DUSP22: variants seen among roughly 807,000 people sequenced by gnomAD.
The protein encoded by DUSP22 is dual specificity phosphatase 22.
In DUSP22, 24 loss-of-function variants were observed where a neutral mutation model predicts 24.5. That is an observed-to-expected ratio of 0.98 (90% CI 0.71 to 1.38). The LOEUF is 1.38. Among genes scored for constraint, DUSP22 ranks in the 40% most tolerant of loss-of-function variants. The probability of loss-of-function intolerance (pLI) is 0.00; values close to 1 mark genes in which losing one functional copy is unlikely to be tolerated. For synonymous variants in DUSP22, 160 were observed against 106.4 expected, an observed-to-expected ratio of 1.50 and a Z score of -3.10; for missense variants, 330 against 269.2, an observed-to-expected ratio of 1.23 and a Z score of -1.58.
chr6:292,846 C>T (rs577407363), intron 1 of DUSP22, among the ~76,000 whole-genome samples: 94 of 152,402 alleles, frequency 6.2e-4, no homozygotes, highest in Non-Finnish European at 6.6e-4. Context: ...AGCGTTGACA[C>T]TTGTTCTGCC....
chr6:320,600 C>G (rs1270424910), intron 3 of DUSP22, among the ~76,000 whole-genome samples: 1 of 152,306 alleles, frequency 6.6e-6, no homozygotes, highest in African/African-American at 2.4e-5. Flanking sequence ...ATGGGCTCTG[C>G]CAGTCCACGC....
At chr6:324,511 G>A (rs1052865082) in intron 3 of DUSP22, among the ~76,000 whole-genome samples, 17 of 152,290 alleles carry the variant, frequency 1.1e-4, no homozygotes, top group African/African-American at 2.9e-4. Context: ...AAACAGAAGA[G>A]CCGCTGTTCT....
chr6:349,895 C>T lies in DUSP22; in HGVS notation c.*944C>T. The T allele has an allele frequency of 1.0e-6, 1 of 985,986 alleles. No homozygotes were observed. The highest frequency in any genetic ancestry group is 1.7e-5 in the African/African-American group (1 of 57,404). The allele number at this position is 985,986 out of a possible 1,614,324, so 61.1% of individuals were successfully genotyped here. ...GCCCCAGGGCACCCCCTCCTCTCTG[C>T]TCCTTGCCAGCTTCATTCACTCCCA... On this transcript the variant is annotated 3_prime_UTR_variant, in exon 7 of 7. Coordinates refer to ENST00000419235, the MANE Select transcript of DUSP22 (RefSeq NM_001286555.3).
intron 2 of DUSP22, among the ~76,000 whole-genome samples, 195 bp downstream of exon 2, chr6:304,856 C>T (rs958695582): frequency 6.6e-6 from 1 of 152,238 alleles, no homozygotes; most frequent in Non-Finnish European, 1.5e-5. Context: ...CTCCCCATTC[C>T]TCTCCTCCCA....
intron 3 of DUSP22, among the ~76,000 whole-genome samples, chr6:317,504 C>G (rs1299487378): frequency 6.6e-6 from 1 of 152,308 alleles, no homozygotes; most frequent in African/African-American, 2.4e-5. Context: ...AGCCCCAGCT[C>G]TCCTTCCTCT....
intron 2 of DUSP22, among the ~76,000 whole-genome samples, chr6:306,314 GT>G (rs1252895248): frequency 6.6e-6 from 1 of 152,308 alleles, no homozygotes; most frequent in Non-Finnish European, 1.5e-5. Flanking sequence ...TCTGACAACA[GT>G]ATGTGAGAGT....
chr6:328,384 C>T (rs1002381277), intron 3 of DUSP22, among the ~76,000 whole-genome samples: 2 of 152,304 alleles, frequency 1.3e-5, no homozygotes, highest in African/African-American at 4.8e-5. Context: ...TCTGACCGTG[C>T]CCACTTTAGC....
chr6:321,862 A>T (rs1014960925), intron 3 of DUSP22, among the ~76,000 whole-genome samples: 2 of 152,306 alleles, frequency 1.3e-5, no homozygotes, highest in Non-Finnish European at 2.9e-5. Context: ...TAATTAGGCT[A>T]TAAGTACCCA....
At chr6:339,546 ATTTTTT>A (rs11323464) in intron 4 of DUSP22, among the ~76,000 whole-genome samples, 4 of 151,574 alleles carry the variant, frequency 2.6e-5, no homozygotes. Context: ...GTAATTACAG[ATTTTTT>A]TTTTCTTTTT....
intron 1 of DUSP22, among the ~76,000 whole-genome samples, chr6:295,762 C>T (rs1170033662): frequency 2.6e-5 from 4 of 151,500 alleles, no homozygotes; most frequent in Admixed American, 2.0e-4. Context: ...ATTGTGCCAC[C>T]GCACTCCAGC....
intron 1 of DUSP22, among the ~76,000 whole-genome samples, chr6:302,224 T>C (rs529772273): frequency 1.3e-5 from 2 of 152,416 alleles, no homozygotes; most frequent in South Asian, 2.1e-4. Flanking sequence ...TTTCAAGATA[T>C]ATTAAGTTAA....
chr6:311,403 G>A (rs1047573671), intron 2 of DUSP22, among the ~76,000 whole-genome samples: 6 of 152,306 alleles, frequency 3.9e-5, no homozygotes, highest in South Asian at 2.1e-4. Flanking sequence ...AGGCAAGGCC[G>A]GGCGCGGTGG....
chr6:309,875 C>G (rs1236126741), intron 2 of DUSP22, among the ~76,000 whole-genome samples: 3 of 152,424 alleles, frequency 2.0e-5, no homozygotes, highest in Non-Finnish European at 4.4e-5. Flanking sequence ...TTACATTATA[C>G]CCTGAGCATT....
At chr6:313,254 A>G (rs1257343280) in intron 3 of DUSP22, among the ~76,000 whole-genome samples, 2 of 152,304 alleles carry the variant, frequency 1.3e-5, no homozygotes, top group Non-Finnish European at 2.9e-5. Flanking sequence ...CTCCACCCTC[A>G]GCCCCAGGCC....
chr6:332,757 C>A (rs1273193207), intron 3 of DUSP22, among the ~76,000 whole-genome samples: 1 of 152,154 alleles, frequency 6.6e-6, no homozygotes, highest in African/African-American at 2.4e-5. Context: ...TCCATCTCGT[C>A]TTAAGCTTCC....
chr6:299,840 CAG>C (rs1190452359), intron 1 of DUSP22, among the ~76,000 whole-genome samples: 6 of 152,306 alleles, frequency 3.9e-5, no homozygotes, highest in African/African-American at 1.4e-4. Context: ...GAAGTCCACT[CAG>C]GGCAGAAAGG....
chr6:307,223 G>A (rs1365368236), intron 2 of DUSP22, among the ~76,000 whole-genome samples: 3 of 152,292 alleles, frequency 2.0e-5, no homozygotes, highest in African/African-American at 7.2e-5. Context: ...AGAACCAGTA[G>A]AGTAGAAAGG....
chr6:331,014 G>A (rs924009443), intron 3 of DUSP22, among the ~76,000 whole-genome samples: 28 of 152,294 alleles, frequency 1.8e-4, no homozygotes, highest in African/African-American at 5.5e-4. Flanking sequence ...TACTCACTTC[G>A]TCATGTTACG....
At chr6:313,508 C>T (rs369950338) in intron 3 of DUSP22, among the ~76,000 whole-genome samples, 17 of 152,418 alleles carry the variant, frequency 1.1e-4, no homozygotes, top group African/African-American at 2.4e-4. Context: ...ACTGTGTTCC[C>T]GACACAACAC....
Sources: allele counts gnomAD v4.1 joint callset (sites outside exome capture counted in the v4.1 genomes callset), GRCh38; gene constraint gnomAD v4.1.1; transcripts MANE v1.5; gene names NCBI Gene and HGNC (gene_info 2026-07-23, HGNC 2026-07-21).